Variants in UBXN4 observed in about 807,000 individuals in gnomAD.
UBXN4 encodes UBX domain protein 4, also known as UBX domain-containing protein 4.
UBXN4 carries 35 observed loss-of-function variants against 66.2 expected under a neutral mutation model. The observed-to-expected ratio is 0.53, with a 90% CI of 0.40 to 0.70. The LOEUF is 0.70. Ranked by LOEUF, UBXN4 falls within the 30% of genes least tolerant of loss-of-function variation. The pLI is 0.00. For synonymous variants in UBXN4, 203 were observed against 204.5 expected (o/e 0.99, Z 0.06); for missense variants, 533 against 599.8 (o/e 0.89, Z 1.16).
chr2:135,780,318 C>T lies in UBXN4; in HGVS notation c.1321C>T (p.Gln441Ter), dbSNP rs768037984. ...NFLFSNPPPT[Q>*]TSVRVTSSEP... ...CTTGTTTAGTAATCCGCCTCCCACA[C>T]AGACTTCAGTGAGAGTAACATCGTC... is the stretch of plus-strand genomic sequence containing the variant. Residue 441 changes from glutamine to a stop codon, truncating the protein, a stop_gained, in exon 12 of 13, where the codon CAG (glutamine) becomes TAG (stop). Transcript: ENST00000272638. LOFTEE classifies it high-confidence loss of function. 6.2e-7 allele frequency: 1 copy of T among 1,614,196 alleles called. No homozygotes were observed. Among genetic ancestry groups the T allele is most frequent in the South Asian group, 1.1e-5 (1 of 91,080 alleles).
chr2:135,754,281 A>G lies in UBXN4; in HGVS notation c.333+4A>G. 1 of 1,604,048 alleles carries G rather than the reference A, an allele frequency of 6.2e-7. No individual in the cohort carries two copies. Among genetic ancestry groups the G allele is most frequent in the South Asian group, 1.1e-5 (1 of 90,702 alleles). ...AAGAATTCACAAGGTCCGACAGGTA[A>G]GAAGGAACAGAACTGTTGTTTCCGT... On this transcript the variant is annotated splice_donor_region_variant and intron_variant, in intron 4 of 12. Coordinates refer to ENST00000272638, the MANE Select transcript of UBXN4 (RefSeq NM_014607.4).
intron 2 of UBXN4, among the ~76,000 whole-genome samples, chr2:135,750,247 T>A (rs2077233477): frequency 6.6e-6 from 1 of 152,230 alleles, no homozygotes; most frequent in Non-Finnish European, 1.5e-5. Context: ...TAGCTGTAGT[T>A]ACAGGCATGC....
intron 12 of UBXN4, 98 bp downstream of exon 12, chr2:135,780,483 C>G: frequency 9.1e-7 from 1 of 1,094,754 alleles, no homozygotes; most frequent in Non-Finnish European, 1.4e-6. Context: ...TGTATATGTC[C>G]TCTCCAGTTC....
chr2:135,748,427 T>A, intron 2 of UBXN4, 58 bp downstream of exon 2: 1 of 1,261,814 alleles, frequency 7.9e-7, no homozygotes, highest in Non-Finnish European at 1.1e-6. Flanking sequence ...TGTCTTTGAT[T>A]TATAGTGATA....
At chr2:135,747,998 T>A (rs1317555521) in intron 1 of UBXN4, 2 of 337,910 alleles carry the variant, frequency 5.9e-6, no homozygotes, top group Non-Finnish European at 1.1e-5. Context: ...ATTATTGTGG[T>A]ACTTTGCGCA....
chr2:135,771,251 C>T (rs961953063), intron 8 of UBXN4, among the ~76,000 whole-genome samples: 1 of 152,080 alleles, frequency 6.6e-6, no homozygotes, highest in Admixed American at 6.5e-5. Context: ...CTAAGGAGGG[C>T]GGATCACCTC....
intron 11 of UBXN4, among the ~76,000 whole-genome samples, chr2:135,779,802 AT>A (rs1391468515): frequency 1.4e-5 from 2 of 148,060 alleles, no homozygotes; most frequent in Non-Finnish European, 3.0e-5. Flanking sequence ...TAAAATTACA[AT>A]TGTATATATA....
intron 1 of UBXN4, 52 bp from the exon 2 acceptor site, chr2:135,748,215 T>G (rs1377988346): frequency 7.3e-7 from 1 of 1,369,310 alleles, no homozygotes; most frequent in Admixed American, 2.4e-5. Context: ...GGAAAAGAGT[T>G]TGCAATCAGC....
rs775749941 is a variant in UBXN4, at chr2:135,778,972, T to C, written c.1078T>C (p.Phe360Leu). 1 of 1,612,812 alleles carries C rather than the reference T, an allele frequency of 6.2e-7. No individual in the cohort carries two copies. Among genetic ancestry groups the C allele is most frequent in the Admixed American group, 1.7e-5 (1 of 59,828 alleles). ...GACTGTTGGCAACACTTACGGTAAT[T>C]TTTCGTTAGCAACCATGTTTCCCAG... is the stretch of plus-strand genomic sequence containing the variant. ...AQTVGNTYGN[F>L]SLATMFPRRE... The change falls in exon 11 of 13, where the codon TTT (phenylalanine) becomes CTT (leucine). Residue 360 changes from phenylalanine (F) to leucine (L), a missense_variant. Phe to Leu is a conservative substitution (Grantham distance 22). Around this residue, in one of 2 missense-constraint regions of UBXN4, gnomAD observed 529 missense variants for 580.1 expected, o/e 0.91. Coordinates refer to ENST00000272638, the MANE Select transcript of UBXN4 (RefSeq NM_014607.4).
chr2:135,761,765 T>TA (rs2077317367), intron 5 of UBXN4, 53 bp from the exon 6 acceptor site: 27 of 1,412,670 alleles, frequency 1.9e-5, no homozygotes, highest in Admixed American at 2.3e-5. Flanking sequence ...TTTATTCCTT[T>TA]AAAAAGTTGC....
In UBXN4 at chr2:135,784,118, A is replaced by C. The variant is rs1559545660; in HGVS notation, c.*1231A>C. On this transcript the variant is annotated 3_prime_UTR_variant, in exon 13 of 13. Transcript: ENST00000272638. ...TGCGCTGTTGGTAGGAGTGAAAACC[A>C]GTATAATTCTTCTGAAAAACATTTA... 1 of 152,216 alleles carries C rather than the reference A, an allele frequency of 6.6e-6. No homozygotes were observed. The highest frequency in any genetic ancestry group is 1.5e-5 in the Non-Finnish European group (1 of 68,042). The allele number at this position is 152,216 out of a possible 1,614,324, so 9.4% of individuals were successfully genotyped here. A position where few individuals can be genotyped will look rare whatever the true frequency, so the allele number is the denominator to read the frequency against.
Position 135,776,333 on chromosome 2 carries a change from A to C in UBXN4, c.1035A>C (p.Ala345=). 6.2e-7 allele frequency: 1 copy of C among 1,613,820 alleles called. No individual in the cohort carries two copies. Among genetic ancestry groups the C allele is most frequent in the Non-Finnish European group, 8.5e-7 (1 of 1,179,792 alleles). Residue 345 remains alanine (A), a synonymous_variant, in exon 10 of 13, where the codon GCA becomes GCC. Transcript: ENST00000272638. ...CTTCTGATGCTCCTCTAGAAGAGGC[A>C]AGGCAGTTTGCTGCACAGGTAAATT... ...QFPSDAPLEE[A]RQFAAQTVGN...
intron 2 of UBXN4, among the ~76,000 whole-genome samples, chr2:135,752,377 T>TAGTAGAGA (rs2077248217): frequency 6.6e-6 from 1 of 152,198 alleles, no homozygotes; most frequent in African/African-American, 2.4e-5. Context: ...AGACAGGGTT[T>TAGTAGAGA]CGCCATGTTG....
chr2:135,751,080 C>T (rs1464704409), intron 2 of UBXN4, among the ~76,000 whole-genome samples: 1 of 146,344 alleles, frequency 6.8e-6, no homozygotes, highest in African/African-American at 2.5e-5. Flanking sequence ...GTCTCGATCT[C>T]CTGACCTCGT....
intron 6 of UBXN4, among the ~76,000 whole-genome samples, chr2:135,763,922 C>T (rs1309937796): frequency 6.6e-6 from 1 of 151,620 alleles, no homozygotes. Flanking sequence ...GCCGGGAGTT[C>T]AAGACCAGCC....
chr2:135,761,769 A>G (rs1260767643), intron 5 of UBXN4, 49 bp from the exon 6 acceptor site: 1 of 1,424,984 alleles, frequency 7.0e-7, no homozygotes, highest in Non-Finnish European at 9.5e-7. Flanking sequence ...TTCCTTTAAA[A>G]AGTTGCATTA....
Position 135,769,698 on chromosome 2 carries a change from C to T in UBXN4, c.603-71C>T, listed in dbSNP as rs1028661131. On this transcript the variant is annotated intron_variant, in intron 6 of 12. Coordinates refer to ENST00000272638, the MANE Select transcript of UBXN4 (RefSeq NM_014607.4). Reference sequence around the variant, plus strand: ...TTTCTCCAATTGTTTTAGCTAAATCCATCTCCTAAATGTGTTTTATATTAA... The same window carrying T: ...TTTCTCCAATTGTTTTAGCTAAATCTATCTCCTAAATGTGTTTTATATTAA... The T allele has an allele frequency of 7.1e-6, 8 of 1,119,132 alleles. No homozygotes were observed. In the African/African-American group the frequency reaches 1.3e-4, roughly 18 times the overall value. The allele number at this position is 1,119,132 out of a possible 1,614,324, so 69.3% of individuals were successfully genotyped here.
chr2:135,744,121 T>G (rs1411535289), intron 1 of UBXN4, among the ~76,000 whole-genome samples: 1 of 152,234 alleles, frequency 6.6e-6, no homozygotes, highest in African/African-American at 2.4e-5. Flanking sequence ...CACTTACAGA[T>G]TGCTTAGAGC....
In UBXN4 at chr2:135,772,458, G is replaced by A; in HGVS notation, c.861G>A (p.Lys287=). ...GAGCTGCTCGTTTTGCAAAGACAAA[G>A]GAAGAAGTAGAGGCTGCCAAAGCTG... The part of the protein sequence containing the change: ...AERAARFAKT[K]EEVEAAKAAA... The change falls in exon 9 of 13, where the codon AAG becomes AAA. Residue 287 remains lysine, a synonymous_variant. Coordinates refer to ENST00000272638, the MANE Select transcript of UBXN4 (RefSeq NM_014607.4). 1 of 1,614,138 alleles carries A rather than the reference G, an allele frequency of 6.2e-7. No individual in the cohort carries two copies. The highest frequency in any genetic ancestry group is 1.1e-5 in the South Asian group (1 of 91,088).
Sources: gnomAD v4.1 joint callset for allele counts (sites outside exome capture counted in the v4.1 genomes callset) on GRCh38, gnomAD v4.1.1 for gene constraint, gnomAD v4.1.1 regional missense constraint, MANE v1.5 for transcripts, NCBI Gene and HGNC (gene_info 2026-07-23, HGNC 2026-07-21) for gene names.